Variants in MAGI2 observed in about 807,000 individuals in gnomAD.
MAGI2 encodes membrane associated guanylate kinase, WW and PDZ domain containing 2.
Under a neutral mutation model 133.3 loss-of-function variants are expected in MAGI2, and 35 were observed. The ratio of observed to expected loss-of-function variants is 0.26; its 90% confidence interval spans 0.20 to 0.35. The LOEUF is 0.35. MAGI2 is among the 10% of genes least tolerant of loss of function. The pLI, the probability that MAGI2 is intolerant of heterozygous loss-of-function variation, is 1.00. For synonymous variants in MAGI2, 729 were observed against 710.6 expected (o/e 1.03, Z -0.41); for missense variants, 1,636 against 1,863.4 (o/e 0.88, Z 2.25).
intron 6 of MAGI2, among the ~76,000 whole-genome samples, chr7:78,439,067 C>T (rs11981822): frequency 0.33 from 50,123 of 152,000 alleles, 10,416 homozygotes; most frequent in African/African-American, 0.55. Flanking sequence ...CTCTGGATTA[C>T]CCAGTTTATG....
intron 21 of MAGI2, among the ~76,000 whole-genome samples, 162 bp from the exon 22 acceptor site, chr7:78,020,138 G>A (rs931714041): frequency 2.8e-5 from 4 of 143,770 alleles, no homozygotes; most frequent in African/African-American, 1.0e-4. Context: ...AGAGGGCAGC[G>A]GCCGCGCCCC....
At chr7:78,103,874 A>C (rs1486591380) in intron 20 of MAGI2, among the ~76,000 whole-genome samples, 1 of 152,184 alleles carries the variant, frequency 6.6e-6, no homozygotes, top group African/African-American at 2.4e-5. Context: ...ATTTTAACTC[A>C]CTCTAGTAGT....
chr7:78,885,017 G>A (rs533157219), intron 2 of MAGI2, among the ~76,000 whole-genome samples: 1 of 152,288 alleles, frequency 6.6e-6, no homozygotes, highest in South Asian at 2.1e-4. Context: ...CAACATGGAT[G>A]CAACTGGAGG....
Position 78,551,225 on chromosome 7 carries a change from C to T in MAGI2, c.539-29580G>A, listed in dbSNP as rs143109263. Among the ~76,000 whole-genome samples the T allele has an allele frequency of 3.0e-4, 45 of 152,320 alleles. No homozygotes were observed. In the East Asian group the frequency reaches 7.7e-3, roughly 26 times the overall value. On this transcript the variant is annotated intron_variant, in intron 3 of 21. Transcript: ENST00000354212. ...TATATTAAATCCACCTTGCAGTGTTCATTAGCAAGTTGCATTGTTAATTAC... is the reference window on the plus strand; with the variant it reads ...TATATTAAATCCACCTTGCAGTGTTTATTAGCAAGTTGCATTGTTAATTAC...
chr7:78,855,711 A>G lies in MAGI2; in HGVS notation c.418+151379T>C, dbSNP rs553144712. Among the ~76,000 whole-genome samples the G allele has an allele frequency of 2.1e-3, 321 of 152,318 alleles. 3 individuals are homozygous for G. The highest frequency in any genetic ancestry group is 7.4e-3 in the African/African-American group (308 of 41,560). ...GCTATTGTGAATAGTGCCGCAATAA[A>G]CATACATGTGCATGTGTAGTTATAG... On this transcript the variant is annotated intron_variant, in intron 2 of 21. Coordinates refer to ENST00000354212, the MANE Select transcript of MAGI2 (RefSeq NM_012301.4).
intron 2 of MAGI2, among the ~76,000 whole-genome samples, chr7:78,730,664 G>T (rs1365984484): frequency 6.6e-6 from 1 of 152,086 alleles, no homozygotes; most frequent in Non-Finnish European, 1.5e-5. Context: ...GTATTCCACG[G>T]TAGAGTTGAC....
intron 16 of MAGI2, among the ~76,000 whole-genome samples, chr7:78,139,165 A>G (rs892229846): frequency 6.6e-6 from 1 of 152,238 alleles, no homozygotes; most frequent in Admixed American, 6.5e-5. Flanking sequence ...TGACTTGCAT[A>G]AAATGTAAGT....
intron 21 of MAGI2, among the ~76,000 whole-genome samples, chr7:78,049,917 T>C (rs746841860): frequency 6.6e-6 from 1 of 152,214 alleles, no homozygotes; most frequent in African/African-American, 2.4e-5. Context: ...AGAATTGATA[T>C]CTGTAATTTT....
intron 2 of MAGI2, among the ~76,000 whole-genome samples, chr7:78,969,921 C>T (rs775547539): frequency 4.6e-5 from 7 of 151,820 alleles, no homozygotes; most frequent in Non-Finnish European, 7.4e-5. Context: ...TACCAATATC[C>T]TCACTTTAAA....
At chr7:79,118,886 G>C (rs1038466451) in intron 1 of MAGI2, among the ~76,000 whole-genome samples, 13 of 152,060 alleles carry the variant, frequency 8.5e-5, no homozygotes, top group African/African-American at 3.1e-4. Flanking sequence ...GATATCAAAG[G>C]AAGACGATTT....
At chr7:78,754,879 T>C (rs1823797917) in intron 2 of MAGI2, among the ~76,000 whole-genome samples, 1 of 152,254 alleles carries the variant, frequency 6.6e-6, no homozygotes, top group African/African-American at 2.4e-5. Flanking sequence ...AATATCCTGA[T>C]ATTTCAGGTC....
At chr7:78,555,170 A>AATGAATG (rs1799686344) in intron 3 of MAGI2, among the ~76,000 whole-genome samples, 2 of 66,112 alleles carry the variant, frequency 3.0e-5, no homozygotes, top group African/African-American at 6.1e-5. Context: ...ATAAATAAAT[A>AATGAATG]AATGAATGAT....
At chr7:78,255,794 A>C in intron 10 of MAGI2, 149 bp downstream of exon 10, 204 of 734,042 alleles carry the variant, frequency 2.8e-4, no homozygotes, top group Middle Eastern at 6.8e-4. Context: ...AGTTTCCTTT[A>C]ATTCATGTTT....
intron 2 of MAGI2, among the ~76,000 whole-genome samples, chr7:78,790,059 A>C (rs1287762635): frequency 1.3e-5 from 2 of 152,186 alleles, no homozygotes; most frequent in Non-Finnish European, 2.9e-5. Context: ...AGATCAATTG[A>C]TTGTTAGATA....
intron 10 of MAGI2, among the ~76,000 whole-genome samples, chr7:78,205,234 C>T (rs567130143): frequency 3.3e-4 from 51 of 152,300 alleles, no homozygotes; most frequent in African/African-American, 1.1e-3. Context: ...CAGGCTAAAG[C>T]GATCCTCCCT....
chr7:79,381,317 T>C (rs1255845440), intron 1 of MAGI2, among the ~76,000 whole-genome samples: 2 of 151,746 alleles, frequency 1.3e-5, no homozygotes. Context: ...ATCTATAATA[T>C]TCTCTTTTAT....
chr7:79,330,892 C>A (rs1240933255), intron 1 of MAGI2, among the ~76,000 whole-genome samples: 1 of 152,056 alleles, frequency 6.6e-6, no homozygotes, highest in Non-Finnish European at 1.5e-5. Flanking sequence ...CAAATAAATT[C>A]CTTAAGCCTA....
intron 1 of MAGI2, among the ~76,000 whole-genome samples, chr7:79,052,548 T>C (rs1812770850): frequency 6.6e-6 from 1 of 152,194 alleles, no homozygotes; most frequent in Non-Finnish European, 1.5e-5. Context: ...CACTGGCCTT[T>C]CCACACTGCA....
At chr7:79,036,681 T>A (rs1474066477) in intron 1 of MAGI2, among the ~76,000 whole-genome samples, 8 of 152,056 alleles carry the variant, frequency 5.3e-5, no homozygotes. Context: ...CCCCCGAGTA[T>A]CCTCAATGCA....
Sources: allele counts gnomAD v4.1 joint callset (sites outside exome capture counted in the v4.1 genomes callset), GRCh38; gene constraint gnomAD v4.1.1; transcripts MANE v1.5; gene names NCBI Gene and HGNC (gene_info 2026-07-23, HGNC 2026-07-21).